KIF26B: variants seen among roughly 807,000 people sequenced by gnomAD.
KIF26B encodes kinesin-like protein KIF26B.
A neutral mutation model predicts 151.2 loss-of-function variants in KIF26B; 63 were observed. The ratio of observed to expected loss-of-function variants is 0.42; its 90% CI spans 0.34 to 0.51. The LOEUF is 0.51. Among genes scored for constraint, KIF26B ranks in the 20% least tolerant of loss-of-function variants. The pLI, the probability that KIF26B is intolerant of heterozygous loss-of-function variation, is 0.07. For missense variants in KIF26B, 2,813 were observed against 2,913.6 expected (o/e 0.97, Z 0.79); for synonymous variants, 1,357 against 1,262.1 (o/e 1.08, Z -1.59).
intron 4 of KIF26B, among the ~76,000 whole-genome samples, chr1:245,426,360 C>T (rs1287883176): frequency 6.6e-6 from 1 of 152,068 alleles, no homozygotes; most frequent in African/African-American, 2.4e-5. Flanking sequence ...CAGCGTCACT[C>T]TCATTCCTTT....
intron 5 of KIF26B, among the ~76,000 whole-genome samples, chr1:245,542,060 T>A (rs554754445): frequency 6.6e-6 from 1 of 152,272 alleles, no homozygotes; most frequent in Admixed American, 6.5e-5. Context: ...ATTTTAAGAT[T>A]ACATGGAATA....
intron 3 of KIF26B, among the ~76,000 whole-genome samples, chr1:245,385,971 C>T (rs918263567): frequency 2.0e-5 from 3 of 152,126 alleles, no homozygotes. Flanking sequence ...GTTGCATGGA[C>T]GGTGAGCTAT....
chr1:245,670,533 A>G (rs1470601690), intron 10 of KIF26B, among the ~76,000 whole-genome samples: 2 of 151,926 alleles, frequency 1.3e-5, no homozygotes, highest in Non-Finnish European at 2.9e-5. Context: ...CTCATTTAAA[A>G]AAAAAAGAAT....
intron 3 of KIF26B, among the ~76,000 whole-genome samples, chr1:245,410,657 C>G (rs1674256416): frequency 6.6e-6 from 1 of 152,158 alleles, no homozygotes; most frequent in African/African-American, 2.4e-5. Flanking sequence ...ACCATGTTAC[C>G]CAGCCTGGTC....
In KIF26B at chr1:245,289,658, G is replaced by T. The variant is rs565894959; in HGVS notation, c.466-77176G>T. 4.7e-5 allele frequency among the ~76,000 whole-genome samples: 7 copies of T among 150,222 alleles called. No individual in the cohort carries two copies. In the East Asian group the frequency reaches 1.4e-3, roughly 30 times the overall value. ...CCATCTGAATTTCTTTCCTTTTTTG[G>T]GGGTGGAGGTGTGTTCAATTGAAAC... On this transcript the variant is annotated intron_variant, in intron 2 of 14. Transcript: ENST00000407071.
chr1:245,378,449 G>T (rs901149587), intron 3 of KIF26B, among the ~76,000 whole-genome samples: 1 of 152,104 alleles, frequency 6.6e-6, no homozygotes, highest in Admixed American at 6.5e-5. Context: ...CCCTGCACAG[G>T]GGGTGAAACA....
At chr1:245,342,709 A>G (rs1481127640) in intron 2 of KIF26B, among the ~76,000 whole-genome samples, 1 of 152,166 alleles carries the variant, frequency 6.6e-6, no homozygotes, top group African/African-American at 2.4e-5. Context: ...CAGGTCAATG[A>G]GGCCTTGGCA....
rs1715791 is a variant in KIF26B, at chr1:245,612,103, T to A, written c.2098+127T>A. 33,239 of 385,320 alleles carry A rather than the reference T, an allele frequency of 0.086. 635 individuals carry two copies. The highest frequency in any genetic ancestry group is 0.1 in the East Asian group (1,742 of 16,988). The allele number at this position is 385,320 out of a possible 1,614,324, so 23.9% of individuals were successfully genotyped here. ...GTGTGTGTGTGTGTGTGTGTGTGTGTGTGAGAGAGAGAGAGAGAGAGAGAG... is the reference window on the plus strand; with the variant it reads ...GTGTGTGTGTGTGTGTGTGTGTGTGAGTGAGAGAGAGAGAGAGAGAGAGAG... On this transcript the variant is annotated intron_variant, in intron 9 of 14. Coordinates refer to ENST00000407071, the MANE Select transcript of KIF26B (RefSeq NM_018012.4).
At chr1:245,700,819 C>T (rs376238803) in intron 14 of KIF26B, among the ~76,000 whole-genome samples, 4 of 152,298 alleles carry the variant, frequency 2.6e-5, no homozygotes, top group Middle Eastern at 3.4e-3. Context: ...TTACTGTCTG[C>T]GCGTGACATG....
chr1:245,466,705 C>T (rs1313459639), intron 4 of KIF26B, among the ~76,000 whole-genome samples: 3 of 152,162 alleles, frequency 2.0e-5, no homozygotes, highest in African/African-American at 4.8e-5. Context: ...GCAGGTGGAT[C>T]ACTTCAGGTC....
intron 2 of KIF26B, among the ~76,000 whole-genome samples, chr1:245,364,388 T>C (rs1465438348): frequency 1.3e-5 from 2 of 151,144 alleles, no homozygotes; most frequent in East Asian, 3.9e-4. Flanking sequence ...TAAACTGTGA[T>C]GTGCAGACAT....
At chr1:245,549,394 G>A (rs1160689422) in intron 5 of KIF26B, among the ~76,000 whole-genome samples, 1 of 152,100 alleles carries the variant, frequency 6.6e-6, no homozygotes, top group African/African-American at 2.4e-5. Flanking sequence ...ATCAGTCTTT[G>A]TCCAAAAACC....
chr1:245,392,749 C>T (rs111418033), intron 3 of KIF26B, among the ~76,000 whole-genome samples: 23 of 152,278 alleles, frequency 1.5e-4, no homozygotes, highest in African/African-American at 4.3e-4. Flanking sequence ...GCAGTCCTTT[C>T]GGTGTACAAA....
intron 2 of KIF26B, among the ~76,000 whole-genome samples, chr1:245,351,727 A>G (rs1672573064): frequency 6.6e-6 from 1 of 152,232 alleles, no homozygotes; most frequent in Admixed American, 6.5e-5. Flanking sequence ...TTCAGAATTC[A>G]GGTCCAGAGC....
At chr1:245,662,774 C>CACCCAATATATATATAACCCAGTGAT (rs1553301919) in intron 10 of KIF26B, among the ~76,000 whole-genome samples, 1 of 68,090 alleles carries the variant, frequency 1.5e-5, no homozygotes. Flanking sequence ...CACACACACA[C>CACCCAATATATATATAACCCAGTGAT]ATGCATGCCC....
At chr1:245,321,545 A>G (rs1335081811) in intron 2 of KIF26B, among the ~76,000 whole-genome samples, 1 of 152,200 alleles carries the variant, frequency 6.6e-6, no homozygotes, top group Non-Finnish European at 1.5e-5. Flanking sequence ...CTCTCATTTC[A>G]GTTCTAGTGT....
intron 4 of KIF26B, among the ~76,000 whole-genome samples, chr1:245,433,914 C>G (rs1012959249): frequency 6.6e-6 from 1 of 151,628 alleles, no homozygotes; most frequent in Non-Finnish European, 1.5e-5. Context: ...TTGGCAGTGA[C>G]AAAGAAAGAG....
intron 3 of KIF26B, among the ~76,000 whole-genome samples, chr1:245,404,120 G>A (rs571835386): frequency 2.0e-5 from 3 of 152,244 alleles, no homozygotes; most frequent in Admixed American, 6.5e-5. Flanking sequence ...AGTGAAGGAA[G>A]AGGACAGACT....
chr1:245,216,159 T>C (rs938086628), intron 2 of KIF26B: 5 of 151,670 alleles, frequency 3.3e-5, no homozygotes, highest in African/African-American at 9.7e-5. Context: ...TTAAGAGATA[T>C]CCCTTCTCCT....
Sources: gnomAD v4.1 joint callset for allele counts (sites outside exome capture counted in the v4.1 genomes callset) on GRCh38, gnomAD v4.1.1 for gene constraint, MANE v1.5 for transcripts, NCBI Gene and HGNC (gene_info 2026-07-23, HGNC 2026-07-21) for gene names.